Variants in GSE1 observed in about 807,000 individuals in gnomAD.
GSE1 encodes Gse1 coiled-coil protein.
In GSE1, 32 loss-of-function variants were observed where a neutral mutation model predicts 112.6. The ratio of observed to expected loss-of-function variants is 0.28; its 90% CI spans 0.21 to 0.38. The LOEUF is 0.38. GSE1 is among the 10% of genes least tolerant of loss of function. GSE1 has a pLI of 1.00. For synonymous variants in GSE1, 1,115 were observed against 735.6 expected (o/e 1.52, Z -8.35); for missense variants, 2,348 against 1,699.2 (o/e 1.38, Z -6.71).
chr16:85,238,220 G>T (rs747442915), intron 1 of GSE1, among the ~76,000 whole-genome samples: 1 of 152,130 alleles, frequency 6.6e-6, no homozygotes, highest in African/African-American at 2.4e-5. Flanking sequence ...CCCCACACAC[G>T]GGGTTAGGGA....
intron 2 of GSE1, among the ~76,000 whole-genome samples, chr16:85,376,540 C>CCCTG (rs1048032875): frequency 1.9e-4 from 29 of 152,192 alleles, no homozygotes; most frequent in Admixed American, 1.2e-3. Context: ...GCTCTGCCCT[C>CCCTG]CCTGCCTGCC....
At chr16:85,323,225 A>G (rs2046152253) in intron 1 of GSE1, among the ~76,000 whole-genome samples, 1 of 152,160 alleles carries the variant, frequency 6.6e-6, no homozygotes, top group Non-Finnish European at 1.5e-5. Context: ...ATGGTTCAAT[A>G]GAGCGTTTTT....
intron 2 of GSE1, among the ~76,000 whole-genome samples, chr16:85,370,622 TC>T (rs2047276574): frequency 6.7e-6 from 1 of 149,732 alleles, no homozygotes; most frequent in Non-Finnish European, 1.5e-5. Context: ...CTTCTCTCCC[TC>T]CCTCCTTCTC....
rs1380668706 is a variant in GSE1 at position 85,374,695 on chromosome 16, G to A, written c.2464+17052G>A. Reference sequence around the variant, plus strand: ...GGCCCATGACCCTGGAGGGGGTAGGGGGTGGATGGGCCCAGTGGATGCGTT... The same window carrying A: ...GGCCCATGACCCTGGAGGGGGTAGGAGGTGGATGGGCCCAGTGGATGCGTT... On this transcript the variant is annotated intron_variant, in intron 2 of 2. Coordinates refer to the GSE1 transcript ENST00000637419. 2.0e-5 allele frequency among the ~76,000 whole-genome samples: 3 copies of A among 152,150 alleles called. 1 individual carries two copies. The highest frequency in any genetic ancestry group is 3.9e-4 in the East Asian group (2 of 5,194).
chr16:85,366,110 C>T (rs2047180053), intron 2 of GSE1, among the ~76,000 whole-genome samples: 1 of 152,268 alleles, frequency 6.6e-6, no homozygotes, highest in South Asian at 2.1e-4. Flanking sequence ...CTTGGGCCTC[C>T]ACCGCCGGGA....
At chr16:85,361,237 C>T (rs2047071478) in intron 2 of GSE1, among the ~76,000 whole-genome samples, 1 of 138,444 alleles carries the variant, frequency 7.2e-6, no homozygotes, top group South Asian at 2.4e-4. Flanking sequence ...CAGAGACACA[C>T]ATAGACAGGC....
chr16:85,573,222 G>A (rs1305672892), intron 1 of GSE1, among the ~76,000 whole-genome samples: 2 of 152,080 alleles, frequency 1.3e-5, no homozygotes, highest in African/African-American at 2.4e-5. Flanking sequence ...TGGCCTCGAA[G>A]TCCTGGACTC....
intron 1 of GSE1, among the ~76,000 whole-genome samples, chr16:85,247,388 G>A (rs534780696): frequency 6.6e-6 from 1 of 152,348 alleles, no homozygotes; most frequent in South Asian, 2.1e-4. Flanking sequence ...TCAGAGCTCA[G>A]TGGGGTCCCT....
intron 2 of GSE1, among the ~76,000 whole-genome samples, chr16:85,462,448 A>G (rs1035081350): frequency 2.6e-5 from 4 of 151,680 alleles, no homozygotes; most frequent in Non-Finnish European, 5.9e-5. Context: ...AAAATACAAA[A>G]GAAAATGCGC....
chr16:85,372,961 G>T (rs1039975803), intron 2 of GSE1, among the ~76,000 whole-genome samples: 1 of 152,220 alleles, frequency 6.6e-6, no homozygotes, highest in African/African-American at 2.4e-5. Flanking sequence ...CAGGCCATGT[G>T]GCACAGAGCT....
chr16:85,336,603 ATTT>A (rs542928731), intron 1 of GSE1, among the ~76,000 whole-genome samples: 1 of 144,352 alleles, frequency 6.9e-6, no homozygotes, highest in Admixed American at 6.9e-5. Context: ...TGCCCTCACA[ATTT>A]TTTTTTTTTT....
chr16:85,640,214 G>C (rs1299443997), intron 2 of GSE1, among the ~76,000 whole-genome samples: 3 of 152,132 alleles, frequency 2.0e-5, no homozygotes, highest in Non-Finnish European at 4.4e-5. Context: ...CACCAGCCCG[G>C]TGGCCGGGAC....
At chr16:85,312,204 C>T (rs866998772) in intron 1 of GSE1, among the ~76,000 whole-genome samples, 6 of 55,780 alleles carry the variant, frequency 1.1e-4, no homozygotes, top group East Asian at 8.2e-4. Flanking sequence ...GATCCTCTTG[C>T]GGGGGGGGGG....
chr16:85,554,801 G>C (rs1279024844), upstream of GSE1: 1 of 795,772 alleles, frequency 1.3e-6, no homozygotes, highest in Non-Finnish European at 1.5e-6. Context: ...GAGGACGGAC[G>C]GGCGGGCGGG....
chr16:85,640,960 A>G (rs1386892562), intron 2 of GSE1, among the ~76,000 whole-genome samples: 1 of 152,206 alleles, frequency 6.6e-6, no homozygotes, highest in Non-Finnish European at 1.5e-5. Context: ...AGGCCCACGG[A>G]GAGGACCCCA....
chr16:85,203,020 C>T, intron 1 of GSE1, among the ~76,000 whole-genome samples: 1 of 147,386 alleles, frequency 6.8e-6, no homozygotes, highest in Admixed American at 6.8e-5. Flanking sequence ...GCCAGAACAT[C>T]TGTGTGTTCC....
chr16:85,638,142 C>T (rs771369413), intron 2 of GSE1, among the ~76,000 whole-genome samples: 4 of 152,230 alleles, frequency 2.6e-5, no homozygotes, highest in African/African-American at 9.6e-5. Flanking sequence ...TCTCGGTTTT[C>T]GCCATCTGAC....
intron 1 of GSE1, among the ~76,000 whole-genome samples, chr16:85,627,946 C>T (rs971137959): frequency 3.3e-5 from 5 of 152,204 alleles, no homozygotes; most frequent in Admixed American, 6.5e-5. Flanking sequence ...GGAGGAGGCC[C>T]GCATCGGTCT....
chr16:85,264,328 C>T (rs1206265062), intron 1 of GSE1, among the ~76,000 whole-genome samples: 1 of 152,116 alleles, frequency 6.6e-6, no homozygotes, highest in Non-Finnish European at 1.5e-5. Flanking sequence ...CTGCGGAGGA[C>T]CCCGTCTCAG....
Sources: gnomAD v4.1 joint callset for allele counts (sites outside exome capture counted in the v4.1 genomes callset) on GRCh38, gnomAD v4.1.1 for gene constraint, MANE v1.5 for transcripts, NCBI Gene and HGNC (gene_info 2026-07-23, HGNC 2026-07-21) for gene names.